ORC5: variants seen among roughly 807,000 people sequenced by gnomAD.
ORC5 encodes the protein origin recognition complex subunit 5, also known as protein phosphatase 1, regulatory subunit 117.
In ORC5, 39 loss-of-function variants were observed where a neutral mutation model predicts 58.8. The observed-to-expected ratio is 0.66, with a 90% CI of 0.51 to 0.87. The LOEUF (loss-of-function observed/expected upper bound fraction) is 0.87, where lower values mean the gene tolerates loss of function less well. Among genes scored for constraint, ORC5 ranks in the 40% least tolerant of loss-of-function variants. The pLI is 0.00. For synonymous variants in ORC5, 218 were observed against 177.6 expected, an observed-to-expected ratio of 1.23 and a Z score of -1.81; for missense variants, 493 against 506.3, an observed-to-expected ratio of 0.97 and a Z score of 0.25.
rs746093438 is a variant in ORC5, at chr7:104,200,771, T to C, written c.353A>G (p.Gln118Arg). ...QVTTAENLKD[Q>R]TVYIVLDKAE... ...GAAATTACTTACAATATATACAGTC[T>C]GATCTTTAAGATTTTCAGCTGTGGT... The change falls in exon 3 of 14, where the codon CAG becomes CGG. Residue 118 changes from glutamine (Q) to arginine (R), a missense_variant. By Grantham distance (43) the Gln-to-Arg change is conservative. Transcript: ENST00000297431. The C allele has an allele frequency of 6.3e-7, 1 of 1,589,124 alleles. No individual in the cohort carries two copies.
chr7:104,197,983 T>G (rs1025110535), intron 3 of ORC5, among the ~76,000 whole-genome samples, 184 bp from the exon 4 acceptor site: 9 of 151,990 alleles, frequency 5.9e-5, no homozygotes, highest in Non-Finnish European at 1.0e-4. Flanking sequence ...ATGAATGAAT[T>G]AATATTGTTA....
intron 4 of ORC5, among the ~76,000 whole-genome samples, chr7:104,195,499 A>G (rs113526433): frequency 0.015 from 2,271 of 152,276 alleles, 59 homozygotes; most frequent in African/African-American, 0.051. Context: ...CCTCCTAGGC[A>G]TAAGTGATCC....
chr7:104,204,651 A>G (rs564894100), intron 1 of ORC5, among the ~76,000 whole-genome samples: 8 of 152,294 alleles, frequency 5.3e-5, no homozygotes, highest in Admixed American at 3.3e-4. Flanking sequence ...AATGCTATGA[A>G]ATAAAGTACA....
intron 12 of ORC5, among the ~76,000 whole-genome samples, chr7:104,150,408 G>A (rs1053952726): frequency 4.6e-5 from 7 of 151,998 alleles, no homozygotes; most frequent in Non-Finnish European, 5.9e-5. Context: ...GAGACTTGAC[G>A]GTTCATGGCA....
chr7:104,197,658 GAA>G, intron 4 of ORC5, 65 bp downstream of exon 4: 1 of 1,052,722 alleles, frequency 9.5e-7, no homozygotes, highest in Non-Finnish European at 1.4e-6. Flanking sequence ...ATAGCAAAAT[GAA>G]AAACTTTTAC....
At chr7:104,178,583 T>G (rs1344505317) in intron 8 of ORC5, among the ~76,000 whole-genome samples, 1 of 152,186 alleles carries the variant, frequency 6.6e-6, no homozygotes, top group African/African-American at 2.4e-5. Context: ...TATTTGTCAA[T>G]TCTGGCTTTT....
intron 2 of ORC5, chr7:104,202,686 T>G (rs57278162): frequency 0.086 from 28,034 of 326,036 alleles, 2,218 homozygotes; most frequent in African/African-American, 0.26. Flanking sequence ...ACATATATTT[T>G]GGGGGCACTT....
intron 13 of ORC5, among the ~76,000 whole-genome samples, chr7:104,132,020 A>G (rs1039474821): frequency 6.6e-6 from 1 of 152,298 alleles, no homozygotes; most frequent in African/African-American, 2.4e-5. Flanking sequence ...TTTTGTTTAT[A>G]ATGGGCAACA....
In ORC5 at chr7:104,161,107, T is replaced by G. The variant is rs1359915403; in HGVS notation, c.1114A>C (p.Ser372Arg). The G allele has an allele frequency of 1.2e-6, 2 of 1,606,712 alleles. No homozygotes were observed. The highest frequency in any genetic ancestry group is 1.7e-6 in the Non-Finnish European group (2 of 1,173,620). ...ATATTTGCTGTTGGAGCAACTCTGC[T>G]GTCCACGATACTATATAATATTGCT... ...LLAILYSIVD[S>R]RVAPTANIFS... Residue 372 changes from serine (S) to arginine (R), a missense_variant, in exon 12 of 14, where the codon AGC becomes CGC. Physicochemically the swap from Ser to Arg is moderately radical, Grantham distance 110. Around this residue, in one of 3 missense-constraint regions of ORC5, gnomAD observed 77 missense variants for 86.1 expected, o/e 0.89. Coordinates refer to ENST00000297431, the MANE Select transcript of ORC5 (RefSeq NM_002553.4).
rs777168748 is a variant in ORC5, at chr7:104,207,899, G to T, written c.6C>A (p.Pro2=). The change falls in exon 1 of 14, where the codon CCC becomes CCA. Residue 2 remains proline, a synonymous_variant. Coordinates refer to ENST00000297431, the MANE Select transcript of ORC5 (RefSeq NM_002553.4). The part of the protein sequence containing the change: M[P]HLENVVLCRE... ...GACAAAGCACCACGTTTTCCAAGTG[G>T]GGCATTCTGGCAGGCACCACCGCAG... The T allele has an allele frequency of 1.9e-6, 3 of 1,614,096 alleles. No individual in the cohort carries two copies. The highest frequency in any genetic ancestry group is 4.5e-5 in the East Asian group (2 of 44,874).
At chr7:104,201,316 T>A (rs6954109) in intron 2 of ORC5, among the ~76,000 whole-genome samples, 8,627 of 152,184 alleles carry the variant, frequency 0.057, 806 homozygotes, top group African/African-American at 0.2. Flanking sequence ...CACCTCTTGT[T>A]TGGTTCCAAT....
chr7:104,203,620 T>G (rs1800000402), intron 2 of ORC5, among the ~76,000 whole-genome samples: 1 of 152,160 alleles, frequency 6.6e-6, no homozygotes, highest in Admixed American at 6.5e-5. Context: ...CACTAACTGG[T>G]GAATCCAAAA....
At chr7:104,174,239 G>T (rs983679044) in intron 8 of ORC5, among the ~76,000 whole-genome samples, 1 of 152,060 alleles carries the variant, frequency 6.6e-6, no homozygotes, top group Non-Finnish European at 1.5e-5. Context: ...TTATTTCTAA[G>T]AATCTACAAG....
chr7:104,195,522 C>G (rs1355456592), intron 4 of ORC5, among the ~76,000 whole-genome samples: 2 of 152,186 alleles, frequency 1.3e-5, no homozygotes, highest in Admixed American at 6.5e-5. Flanking sequence ...CTATACCTCT[C>G]AAGTAGCTGA....
At chr7:104,199,517 T>G (rs1210029656) in intron 3 of ORC5, among the ~76,000 whole-genome samples, 1 of 152,236 alleles carries the variant, frequency 6.6e-6, no homozygotes, top group East Asian at 1.9e-4. Context: ...GTTTAATGAC[T>G]GCCTTATTGG....
chr7:104,132,796 G>A (rs983888259), intron 13 of ORC5, among the ~76,000 whole-genome samples: 6 of 152,130 alleles, frequency 3.9e-5, no homozygotes, highest in African/African-American at 1.4e-4. Flanking sequence ...ATATAATGAA[G>A]AACAAAATGG....
At chr7:104,174,200 C>T (rs1799275128) in intron 8 of ORC5, among the ~76,000 whole-genome samples, 1 of 152,146 alleles carries the variant, frequency 6.6e-6, no homozygotes, top group African/African-American at 2.4e-5. Context: ...TAACACACAT[C>T]TGTAAATAAT....
intron 12 of ORC5, among the ~76,000 whole-genome samples, chr7:104,143,974 C>T (rs1798714945): frequency 6.6e-6 from 1 of 152,128 alleles, no homozygotes; most frequent in South Asian, 2.1e-4. Flanking sequence ...CAAAAGTTAG[C>T]TGGGCATGGT....
At chr7:104,182,508 T>C (rs1031998950) in intron 8 of ORC5, among the ~76,000 whole-genome samples, 4 of 152,020 alleles carry the variant, frequency 2.6e-5, no homozygotes, top group East Asian at 1.9e-4. Context: ...CTTAATACAA[T>C]TGTTGCTCAC....
Sources: allele counts gnomAD v4.1 joint callset (sites outside exome capture counted in the v4.1 genomes callset), GRCh38; gene constraint gnomAD v4.1.1; regional missense constraint gnomAD v4.1.1; transcripts MANE v1.5; gene names NCBI Gene and HGNC (gene_info 2026-07-23, HGNC 2026-07-21).